The following GRM8 variants were observed in gnomAD, a reference collection of about 807,000 sequenced individuals.
GRM8 encodes the protein glutamate metabotropic receptor 8, also known as metabotropic glutamate receptor 8.
GRM8 carries 47 observed loss-of-function variants against 87.2 expected under a neutral mutation model. The ratio of observed to expected loss-of-function variants is 0.54; its 90% confidence interval spans 0.43 to 0.69. The LOEUF (loss-of-function observed/expected upper bound fraction) is 0.69, where lower values mean the gene tolerates loss of function less well. Ranked by LOEUF, GRM8 falls within the 30% of genes least tolerant of loss-of-function variation. GRM8 has a pLI of 0.00. For missense variants in GRM8, 1,019 were observed against 1,139.2 expected, an observed-to-expected ratio of 0.89 and a Z score of 1.52; for synonymous variants, 396 against 404.5, an observed-to-expected ratio of 0.98 and a Z score of 0.25.
chr7:126,606,600 G>C (rs79863716), intron 8 of GRM8, among the ~76,000 whole-genome samples: 1 of 152,106 alleles, frequency 6.6e-6, no homozygotes, highest in Non-Finnish European at 1.5e-5. Flanking sequence ...CATTTGATTT[G>C]TCCTGATAAT....
At chr7:127,125,475 T>C (rs1827310078) in intron 2 of GRM8, among the ~76,000 whole-genome samples, 1 of 151,672 alleles carries the variant, frequency 6.6e-6, no homozygotes, top group Non-Finnish European at 1.5e-5. Context: ...ACACAAATAA[T>C]AAAACTATAC....
chr7:126,729,132 G>A (rs1274631479), intron 7 of GRM8, among the ~76,000 whole-genome samples: 1 of 152,164 alleles, frequency 6.6e-6, no homozygotes, highest in Non-Finnish European at 1.5e-5. Context: ...CCTGTATGAA[G>A]TTCAGCTAGC....
intron 3 of GRM8, among the ~76,000 whole-genome samples, chr7:127,021,314 T>G (rs1816239177): frequency 7.4e-6 from 1 of 135,096 alleles, no homozygotes. Flanking sequence ...TTTAAGGAAC[T>G]GAAGCCAGAA....
rs1795122242 is a variant in GRM8, at chr7:127,193,430, C to T, written c.510+49265G>A. Among the ~76,000 whole-genome samples, 4 of 152,140 alleles carry T rather than the reference C, an allele frequency of 2.6e-5. No individual in the cohort carries two copies. In the South Asian group the frequency reaches 8.3e-4, roughly 31 times the overall value. On this transcript the variant is annotated intron_variant, in intron 2 of 10. Transcript: ENST00000339582. ...CATATCATTTATTTGCTGGATGACCCAATTAGGTCAAAACCTACTTTTCTT... is the reference window on the plus strand; with the variant it reads ...CATATCATTTATTTGCTGGATGACCTAATTAGGTCAAAACCTACTTTTCTT...
chr7:126,687,670 ATC>A (rs1435541167), intron 7 of GRM8, among the ~76,000 whole-genome samples: 1 of 150,640 alleles, frequency 6.6e-6, no homozygotes, highest in African/African-American at 2.4e-5. Context: ...GATATTGCCT[ATC>A]TGTTTTACAG....
intron 7 of GRM8, among the ~76,000 whole-genome samples, chr7:126,695,355 C>A (rs528221180): frequency 1.3e-5 from 2 of 152,000 alleles, no homozygotes; most frequent in South Asian, 4.2e-4. Context: ...ATATATGGTC[C>A]CTGTTTCCAA....
intron 3 of GRM8, among the ~76,000 whole-genome samples, chr7:126,993,017 T>C (rs772896828): frequency 3.3e-5 from 5 of 152,166 alleles, no homozygotes; most frequent in African/African-American, 4.8e-5. Context: ...ACCCAGTCTA[T>C]GATATTTTGT....
intron 3 of GRM8, chr7:127,081,011 GT>G (rs1720209587): frequency 6.6e-6 from 1 of 152,114 alleles, no homozygotes; most frequent in Non-Finnish European, 1.5e-5. Context: ...TCATCATTCA[GT>G]ATCCCCTTGT....
chr7:126,811,830 T>A (rs1793324311), intron 6 of GRM8, among the ~76,000 whole-genome samples: 1 of 152,086 alleles, frequency 6.6e-6, no homozygotes, highest in Admixed American at 6.6e-5. Flanking sequence ...GCATCCTTTT[T>A]TTTCCAGTTT....
chr7:126,724,860 C>A (rs1230974036), intron 7 of GRM8, among the ~76,000 whole-genome samples: 1 of 151,672 alleles, frequency 6.6e-6, no homozygotes. Flanking sequence ...TGAAAAATCA[C>A]TGGCTTGGGG....
At chr7:126,905,084 A>G (rs2131239571) in intron 3 of GRM8, among the ~76,000 whole-genome samples, 1 of 152,344 alleles carries the variant, frequency 6.6e-6, no homozygotes, top group South Asian at 2.1e-4. Flanking sequence ...TAAGTAGCAA[A>G]GTCCTTTTGT....
At chr7:126,755,136 C>T (rs989862521) in intron 7 of GRM8, among the ~76,000 whole-genome samples, 11 of 151,582 alleles carry the variant, frequency 7.3e-5, no homozygotes, top group Admixed American at 7.2e-4. Flanking sequence ...CAATAAAAAT[C>T]TCATTTTTTT....
intron 3 of GRM8, among the ~76,000 whole-genome samples, chr7:126,935,853 C>T (rs1359779198): frequency 6.6e-6 from 1 of 152,212 alleles, no homozygotes; most frequent in Non-Finnish European, 1.5e-5. Context: ...TCCTCCTCCT[C>T]TCATCCTAAA....
chr7:126,535,620 A>G (rs1815582950), intron 8 of GRM8, among the ~76,000 whole-genome samples: 3 of 152,206 alleles, frequency 2.0e-5, no homozygotes, highest in African/African-American at 4.8e-5. Context: ...GAAAAAGGTA[A>G]TAACTACTAG....
At chr7:126,523,521 G>A (rs972998638) in intron 9 of GRM8, among the ~76,000 whole-genome samples, 10 of 146,976 alleles carry the variant, frequency 6.8e-5, no homozygotes, top group African/African-American at 2.5e-4. Context: ...TTTTGAAACA[G>A]AGTCTCACTC....
intron 7 of GRM8, among the ~76,000 whole-genome samples, chr7:126,733,282 G>T (rs1306284225): frequency 2.0e-5 from 3 of 151,666 alleles, no homozygotes; most frequent in Non-Finnish European, 2.9e-5. Context: ...TGTAATAAAA[G>T]AAAGATTAGC....
chr7:126,499,851 G>A (rs1253853411), intron 9 of GRM8, among the ~76,000 whole-genome samples: 1 of 151,828 alleles, frequency 6.6e-6, no homozygotes, highest in Non-Finnish European at 1.5e-5. Flanking sequence ...GGAGACATAA[G>A]TTCTAGTGAT....
intron 9 of GRM8, among the ~76,000 whole-genome samples, chr7:126,454,213 C>T (rs988894914): frequency 6.6e-6 from 1 of 151,716 alleles, no homozygotes; most frequent in Non-Finnish European, 1.5e-5. Flanking sequence ...ATCTATCTGT[C>T]TATAGTTCTA....
intron 3 of GRM8, among the ~76,000 whole-genome samples, chr7:126,965,436 T>C (rs1171055024): frequency 6.6e-6 from 1 of 152,286 alleles, no homozygotes; most frequent in East Asian, 1.9e-4. Context: ...AAAATATATC[T>C]AGACTAGTGT....
Sources: allele counts gnomAD v4.1 joint callset (sites outside exome capture counted in the v4.1 genomes callset), GRCh38; gene constraint gnomAD v4.1.1; transcripts MANE v1.5; gene names NCBI Gene and HGNC (gene_info 2026-07-23, HGNC 2026-07-21).